FAM184A: variants seen among roughly 807,000 people sequenced by gnomAD.
FAM184A encodes the protein protein FAM184A.
In FAM184A, 99 loss-of-function variants were observed where a neutral mutation model predicts 143.8. That is an observed-to-expected ratio of 0.69 (90% CI 0.58 to 0.81). FAM184A has a LOEUF of 0.81. Ranked by LOEUF, FAM184A falls within the 40% of genes least tolerant of loss-of-function variation. The pLI is 0.00. For missense variants in FAM184A, 1,217 were observed against 1,310.5 expected, an observed-to-expected ratio of 0.93 and a Z score of 1.10; for synonymous variants, 427 against 446.4, an observed-to-expected ratio of 0.96 and a Z score of 0.55.
chr6:119,120,553 GTT>G (rs1272773597), intron 1 of FAM184A, among the ~76,000 whole-genome samples: 1 of 152,160 alleles, frequency 6.6e-6, no homozygotes, highest in Non-Finnish European at 1.5e-5. Flanking sequence ...GTAACTCTAT[GTT>G]TCACATTTTA....
chr6:119,055,901 T>C (rs1786954526), intron 1 of FAM184A, among the ~76,000 whole-genome samples: 1 of 151,990 alleles, frequency 6.6e-6, no homozygotes, highest in Non-Finnish European at 1.5e-5. Context: ...TCTCCACTTT[T>C]CTGGGGCCTG....
intron 1 of FAM184A, among the ~76,000 whole-genome samples, chr6:119,030,876 T>C (rs1334501772): frequency 6.6e-6 from 1 of 151,214 alleles, no homozygotes; most frequent in East Asian, 1.9e-4. Flanking sequence ...GATGGAATAG[T>C]ATAGGAATCA....
At chr6:119,092,130 G>T (rs1788387281) in intron 1 of FAM184A, among the ~76,000 whole-genome samples, 1 of 152,094 alleles carries the variant, frequency 6.6e-6, no homozygotes. Flanking sequence ...ACTTTTATTT[G>T]CCTGCTTATT....
intron 1 of FAM184A, among the ~76,000 whole-genome samples, chr6:119,112,009 A>G (rs1788946054): frequency 6.6e-6 from 1 of 152,192 alleles, no homozygotes; most frequent in South Asian, 2.1e-4. Flanking sequence ...TCTATTAAAA[A>G]CTATGTAATC....
chr6:119,094,257 AGTCC>A (rs1788449458), intron 1 of FAM184A, among the ~76,000 whole-genome samples: 1 of 151,970 alleles, frequency 6.6e-6, no homozygotes. Flanking sequence ...TTTGCTACAC[AGTCC>A]CTTTACTTGC....
chr6:118,991,872 C>T (rs1487691270), intron 9 of FAM184A, among the ~76,000 whole-genome samples: 1 of 144,822 alleles, frequency 6.9e-6, no homozygotes, highest in East Asian at 2.1e-4. Flanking sequence ...ATGTCATTCT[C>T]CTGCCTCAGC....
At chr6:119,109,986 C>T (rs1186789341) in intron 1 of FAM184A, among the ~76,000 whole-genome samples, 2 of 152,176 alleles carry the variant, frequency 1.3e-5, no homozygotes, top group South Asian at 2.1e-4. Context: ...TTTAACTCAT[C>T]GATGCATCCC....
chr6:118,966,717 T>G lies in FAM184A; in HGVS notation c.3033+118A>C. On this transcript the variant is annotated intron_variant, in intron 15 of 17. Transcript: ENST00000338891. ...CATTTCAATGAACTTTCAATCACAA[T>G]GCACATGTTCTGTGTTTTCTATTTT... 6.4e-6 allele frequency: 3 copies of G among 469,208 alleles called. No homozygotes were observed. The South Asian group carries it at 1.4e-4, about 23-fold the overall frequency. The allele number at this position is 469,208 out of a possible 1,614,324, so 29.1% of individuals were successfully genotyped here.
intron 9 of FAM184A, among the ~76,000 whole-genome samples, chr6:118,986,673 G>A (rs1269857761): frequency 1.3e-5 from 2 of 152,110 alleles, no homozygotes; most frequent in Non-Finnish European, 2.9e-5. Flanking sequence ...TCAATAAGGT[G>A]GTTTTTGTTT....
At chr6:119,095,706 A>C (rs984024525) in intron 1 of FAM184A, among the ~76,000 whole-genome samples, 1 of 152,004 alleles carries the variant, frequency 6.6e-6, no homozygotes, top group African/African-American at 2.4e-5. Flanking sequence ...CTACAAGTGC[A>C]CACCACCACA....
At chr6:119,056,541 A>C (rs954617052) in intron 1 of FAM184A, among the ~76,000 whole-genome samples, 6 of 152,322 alleles carry the variant, frequency 3.9e-5, no homozygotes, top group African/African-American at 7.2e-5. Context: ...CTGGCTACTA[A>C]ATCATGGTTC....
At chr6:119,046,892 A>G (rs1190322938) in intron 1 of FAM184A, among the ~76,000 whole-genome samples, 2 of 152,234 alleles carry the variant, frequency 1.3e-5, no homozygotes, top group African/African-American at 4.8e-5. Context: ...GGATTACATC[A>G]AGGTAAAAAG....
intron 1 of FAM184A, among the ~76,000 whole-genome samples, chr6:119,075,051 C>A (rs1411239554): frequency 6.6e-6 from 1 of 152,196 alleles, no homozygotes; most frequent in African/African-American, 2.4e-5. Context: ...ATATATTGAG[C>A]TTTGCTATGG....
chr6:119,062,885 C>A (rs1304521735), intron 1 of FAM184A, among the ~76,000 whole-genome samples: 1 of 152,128 alleles, frequency 6.6e-6, no homozygotes, highest in Non-Finnish European at 1.5e-5. Flanking sequence ...TGACTTGTGT[C>A]CCCAAGAGTA....
chr6:119,113,635 A>AGAAAG (rs1562155761), intron 1 of FAM184A, among the ~76,000 whole-genome samples: 10 of 149,642 alleles, frequency 6.7e-5, no homozygotes, highest in Non-Finnish European at 1.2e-4. Flanking sequence ...GAGAGAGAGA[A>AGAAAG]AGAGAGAGAG....
chr6:118,984,826 A>G (rs1784141942), intron 9 of FAM184A, among the ~76,000 whole-genome samples: 1 of 152,188 alleles, frequency 6.6e-6, no homozygotes, highest in African/African-American at 2.4e-5. Flanking sequence ...GATTTTCATA[A>G]AGACAGTTGC....
chr6:119,069,749 T>TGTAAATGTAAGTATAC (rs1287611200), intron 1 of FAM184A, among the ~76,000 whole-genome samples: 2 of 152,160 alleles, frequency 1.3e-5, no homozygotes, highest in African/African-American at 4.8e-5. Flanking sequence ...AATGGTATGA[T>TGTAAATGTAAGTATAC]GTAAATGTAA....
intron 12 of FAM184A, 85 bp from the exon 13 acceptor site, chr6:118,975,293 G>C: frequency 2.1e-6 from 2 of 959,232 alleles, no homozygotes; most frequent in Non-Finnish European, 3.0e-6. Context: ...TGACACACTG[G>C]AATGTCAAAT....
intron 1 of FAM184A, among the ~76,000 whole-genome samples, chr6:119,034,131 A>G (rs1786020401): frequency 6.7e-6 from 1 of 149,228 alleles, no homozygotes; most frequent in Non-Finnish European, 1.5e-5. Context: ...GGTAGATGAA[A>G]GAAAAAATAT....
Sources: allele counts gnomAD v4.1 joint callset (sites outside exome capture counted in the v4.1 genomes callset), GRCh38; gene constraint gnomAD v4.1.1; transcripts MANE v1.5; gene names NCBI Gene and HGNC (gene_info 2026-07-23, HGNC 2026-07-21).